MYEF2: variants seen among roughly 807,000 people sequenced by gnomAD.
MYEF2 encodes myelin expression factor 2.
In MYEF2, 37 loss-of-function variants were observed where a neutral mutation model predicts 75.2. The ratio of observed to expected loss-of-function variants is 0.49; its 90% CI spans 0.38 to 0.65. MYEF2 has a LOEUF of 0.65. MYEF2 is among the 30% of genes least tolerant of loss of function. The pLI is 0.00. For missense variants in MYEF2, 634 were observed against 771.4 expected, an observed-to-expected ratio of 0.82 and a Z score of 2.11; for synonymous variants, 195 against 241.6, an observed-to-expected ratio of 0.81 and a Z score of 1.79.
chr15:48,167,597 C>A (rs1325184164), intron 2 of MYEF2, among the ~76,000 whole-genome samples, 196 bp from the exon 3 acceptor site: 1 of 152,184 alleles, frequency 6.6e-6, no homozygotes, highest in Admixed American at 6.5e-5. Flanking sequence ...CATCCACATT[C>A]TCTAAAAAAA....
rs1301786288 is a variant in MYEF2 at position 48,142,287 on chromosome 15, C to T, written c.*621G>A. On this transcript the variant is annotated 3_prime_UTR_variant, in exon 17 of 17. Coordinates refer to ENST00000324324, the MANE Select transcript of MYEF2 (RefSeq NM_016132.5). ...CTATTATCATACTTGGGGCTTGCTA[C>T]ATTATCAGTTCTATATGAACTTGGA... 3 of 1,613,328 alleles carry T rather than the reference C, an allele frequency of 1.9e-6. No homozygotes were observed. Among genetic ancestry groups the T allele is most frequent in the South Asian group, 1.1e-5 (1 of 91,028 alleles).
chr15:48,170,861 C>T (rs2140931790), intron 1 of MYEF2, among the ~76,000 whole-genome samples: 1 of 152,324 alleles, frequency 6.6e-6, no homozygotes, highest in Non-Finnish European at 1.5e-5. Context: ...AATGAATTAA[C>T]AGTCAATTAA....
rs1236524137 is a variant in MYEF2 at position 48,142,012 on chromosome 15, A to G, written c.*896T>C. On this transcript the variant is annotated 3_prime_UTR_variant, in exon 17 of 17. Coordinates refer to ENST00000324324, the MANE Select transcript of MYEF2 (RefSeq NM_016132.5). ...GTATTGGTAAGCACATTTTAACAGTATGCTTTTCTTTTGTAGGGAAAGGAG... is the reference window on the plus strand; with the variant it reads ...GTATTGGTAAGCACATTTTAACAGTGTGCTTTTCTTTTGTAGGGAAAGGAG... 1.7e-5 allele frequency: 27 copies of G among 1,568,326 alleles called. No homozygotes were observed. Among genetic ancestry groups the G allele is most frequent in the Non-Finnish European group, 2.3e-5 (26 of 1,147,600 alleles).
At chr15:48,160,096 A>G (rs2039878782) in intron 5 of MYEF2, among the ~76,000 whole-genome samples, 2 of 152,134 alleles carry the variant, frequency 1.3e-5, no homozygotes, top group African/African-American at 4.8e-5. Context: ...GCATACATAC[A>G]TGTAACTCAA....
At chr15:48,166,209 C>A in intron 3 of MYEF2, 81 bp from the exon 4 acceptor site, 1 of 1,120,478 alleles carries the variant, frequency 8.9e-7, no homozygotes, top group Non-Finnish European at 1.3e-6. Context: ...TCAGTTCTAA[C>A]ATTTCAATCA....
At position 48,139,192 on chromosome 15, in the gene MYEF2, C is replaced by T. The variant is rs1436283063; in HGVS notation, c.*3716G>A. The T allele has an allele frequency of 6.4e-7, 1 of 1,570,918 alleles. No individual in the cohort carries two copies. Among genetic ancestry groups the T allele is most frequent in the Non-Finnish European group, 8.7e-7 (1 of 1,144,892 alleles). ...CAATAACTGGTATGTATTTTAAGTA[C>T]AATAGCACAACTTGAAAATATTCAT... On this transcript the variant is annotated 3_prime_UTR_variant, in exon 17 of 17. Coordinates refer to ENST00000324324, the MANE Select transcript of MYEF2 (RefSeq NM_016132.5).
intron 9 of MYEF2, among the ~76,000 whole-genome samples, chr15:48,155,147 T>A (rs568075608): frequency 7.2e-5 from 11 of 152,132 alleles, no homozygotes; most frequent in African/African-American, 1.9e-4. Flanking sequence ...GTGATTTTTT[T>A]AAAAAGTCTA....
In MYEF2 at chr15:48,135,247, T is replaced by C. The variant is rs960787174; in HGVS notation, c.*7661A>G. The C allele has an allele frequency of 4.4e-5, 13 of 295,884 alleles. No homozygotes were observed. Among genetic ancestry groups the C allele is most frequent in the African/African-American group, 6.4e-5 (3 of 46,562 alleles). The allele number at this position is 295,884 out of a possible 1,614,324, so 18.3% of individuals were successfully genotyped here. A position where few individuals can be genotyped will look rare whatever the true frequency, so the allele number is the denominator to read the frequency against. Reference sequence around the variant, plus strand: ...ACCACTTTTCCTTCTCCCCACTGGCTGCCTATTCAGAAAGTTTCCCAACTC... The same window carrying C: ...ACCACTTTTCCTTCTCCCCACTGGCCGCCTATTCAGAAAGTTTCCCAACTC... On this transcript the variant is annotated 3_prime_UTR_variant, in exon 17 of 17. Coordinates refer to ENST00000324324, the MANE Select transcript of MYEF2 (RefSeq NM_016132.5).
In MYEF2 at chr15:48,142,267, A is replaced by G; in HGVS notation, c.*641T>C. On this transcript the variant is annotated 3_prime_UTR_variant, in exon 17 of 17. Transcript: ENST00000324324. ...GAAAGTTGGGAATAGTCTGCCTATT[A>G]TCATACTTGGGGCTTGCTACATTAT... is the stretch of plus-strand genomic sequence containing the variant. 1 of 1,613,752 alleles carries G rather than the reference A, an allele frequency of 6.2e-7. No individual in the cohort carries two copies.
At chr15:48,173,283 C>G (rs1021828636) in intron 1 of MYEF2, among the ~76,000 whole-genome samples, 3 of 152,072 alleles carry the variant, frequency 2.0e-5, no homozygotes, top group African/African-American at 7.2e-5. Context: ...AAGCATTTGA[C>G]AAAACTCAAC....
At chr15:48,170,721 C>T (rs191171859) in intron 1 of MYEF2, among the ~76,000 whole-genome samples, 1 of 152,308 alleles carries the variant, frequency 6.6e-6, no homozygotes, top group African/African-American at 2.4e-5. Context: ...GCTTCTTGAA[C>T]ACTACTCTTC....
At chr15:48,150,482 A>G (rs2039450280) in intron 14 of MYEF2, among the ~76,000 whole-genome samples, 1 of 152,038 alleles carries the variant, frequency 6.6e-6, no homozygotes, top group Non-Finnish European at 1.5e-5. Flanking sequence ...AGTAAGCAAA[A>G]GAGGTTAAAA....
Position 48,176,814 on chromosome 15 carries a change from A to G in MYEF2, c.161+1263T>C, listed in dbSNP as rs149440578. Among the ~76,000 whole-genome samples the G allele has an allele frequency of 2.1e-3, 322 of 152,298 alleles. 1 individual carries two copies. Among genetic ancestry groups the G allele is most frequent in the Middle Eastern group, 3.4e-3 (1 of 294 alleles). ...ACTTCATTCCCTTTCTGGTTCCTCA[A>G]TTACTGAGGTGCACCACTCTTCATC... is the stretch of plus-strand genomic sequence containing the variant. On this transcript the variant is annotated intron_variant, in intron 1 of 16. Transcript: ENST00000324324.
At chr15:48,176,453 C>A (rs1298771095) in intron 1 of MYEF2, among the ~76,000 whole-genome samples, 1 of 152,120 alleles carries the variant, frequency 6.6e-6, no homozygotes, top group Admixed American at 6.6e-5. Context: ...TTATATTTTT[C>A]TCTTCCTAAA....
chr15:48,176,901 G>A (rs953284776), intron 1 of MYEF2, among the ~76,000 whole-genome samples: 3 of 152,124 alleles, frequency 2.0e-5, no homozygotes, highest in African/African-American at 7.2e-5. Flanking sequence ...CCTAGAAGAT[G>A]CTGCCGATCC....
chr15:48,175,693 T>A (rs948155025), intron 1 of MYEF2, among the ~76,000 whole-genome samples: 11 of 152,102 alleles, frequency 7.2e-5, no homozygotes, highest in African/African-American at 2.7e-4. Context: ...TGCTTAATAT[T>A]TTATAGTACC....
In MYEF2 at chr15:48,145,117, G is replaced by T. The variant is rs1451465134; in HGVS notation, c.1640-2046C>A. Among the ~76,000 whole-genome samples, 3 of 151,704 alleles carry T rather than the reference G, an allele frequency of 2.0e-5. No individual in the cohort carries two copies. The East Asian group carries it at 5.8e-4, about 29-fold the overall frequency. On this transcript the variant is annotated intron_variant, in intron 16 of 16. Transcript: ENST00000324324. ...CAATGACCTCAAAAATTTTCTAGTT[G>T]ACAAGTTCCCTCAGCTAAGATACTT...
intron 9 of MYEF2, among the ~76,000 whole-genome samples, chr15:48,154,791 G>A (rs930438765): frequency 3.9e-5 from 6 of 151,946 alleles, no homozygotes; most frequent in African/African-American, 1.5e-4. Context: ...AAAAGCAGAG[G>A]AGTGATGACA....
chr15:48,147,082 G>C (rs999267408), intron 16 of MYEF2, among the ~76,000 whole-genome samples: 6 of 151,862 alleles, frequency 4.0e-5, no homozygotes, highest in African/African-American at 1.4e-4. Context: ...AGGATTATAA[G>C]AATAGAGCTA....
Sources: gnomAD v4.1 joint callset for allele counts (sites outside exome capture counted in the v4.1 genomes callset) on GRCh38, gnomAD v4.1.1 for gene constraint, MANE v1.5 for transcripts, NCBI Gene and HGNC (gene_info 2026-07-23, HGNC 2026-07-21) for gene names.